The following PABPC4L variants were observed in gnomAD, a reference collection of about 807,000 sequenced individuals.
The protein encoded by PABPC4L is polyadenylate-binding protein 4-like.
For missense variants in PABPC4L, 452 were observed against 451.4 expected, an observed-to-expected ratio of 1.00 and a Z score of -0.01; for synonymous variants, 169 against 164.1, an observed-to-expected ratio of 1.03 and a Z score of -0.23.
the PABPC4L span, among the ~76,000 whole-genome samples, chr4:134,152,619 A>T: frequency 6.6e-6 from 1 of 152,132 alleles, no homozygotes; most frequent in East Asian, 1.9e-4. Context: ...CTTACAGCTT[A>T]TGCCCTCCAA....
chr4:133,982,603 C>A, the PABPC4L span, among the ~76,000 whole-genome samples: 1 of 151,888 alleles, frequency 6.6e-6, no homozygotes, highest in Non-Finnish European at 1.5e-5. Flanking sequence ...TAAGAAGTTT[C>A]AAATATTTAC....
chr4:134,079,158 G>A, the PABPC4L span, among the ~76,000 whole-genome samples: 10 of 151,002 alleles, frequency 6.6e-5, no homozygotes, highest in Non-Finnish European at 1.5e-4. Context: ...TTTTAGTAGA[G>A]ACGGTGTTTC....
the PABPC4L span, among the ~76,000 whole-genome samples, chr4:134,179,235 G>T: frequency 6.6e-6 from 1 of 151,866 alleles, no homozygotes; most frequent in East Asian, 1.9e-4. Flanking sequence ...TAAAACTGGG[G>T]GCCAATATTC....
the PABPC4L span, among the ~76,000 whole-genome samples, chr4:134,092,664 G>A: frequency 1.2e-3 from 187 of 152,088 alleles, no homozygotes; most frequent in African/African-American, 4.3e-3. Context: ...CTGTGGGCCA[G>A]TACAAGAATG....
the PABPC4L span, among the ~76,000 whole-genome samples, chr4:133,981,816 A>T: frequency 6.6e-6 from 1 of 152,008 alleles, no homozygotes; most frequent in African/African-American, 2.4e-5. Context: ...TATTAGTTTC[A>T]TTTTGCTGAA....
At chr4:134,078,747 T>A in the PABPC4L span, among the ~76,000 whole-genome samples, 1 of 151,262 alleles carries the variant, frequency 6.6e-6, no homozygotes, top group Non-Finnish European at 1.5e-5. Context: ...CACCTCCCCG[T>A]GTTCAAGCCT....
At chr4:133,994,822 A>G in the PABPC4L span, among the ~76,000 whole-genome samples, 1 of 152,244 alleles carries the variant, frequency 6.6e-6, no homozygotes, top group African/African-American at 2.4e-5. Context: ...TTTACATTTC[A>G]TCATAAATAA....
the PABPC4L span, among the ~76,000 whole-genome samples, chr4:134,001,336 C>A: frequency 9.7e-4 from 148 of 151,854 alleles, 1 homozygote; most frequent in African/African-American, 3.2e-3. Flanking sequence ...GCTAGGAAGT[C>A]ATATTATACA....
At chr4:133,953,005 A>G in the PABPC4L span, among the ~76,000 whole-genome samples, 1 of 152,102 alleles carries the variant, frequency 6.6e-6, no homozygotes, top group Non-Finnish European at 1.5e-5. Flanking sequence ...GTGTCTATCA[A>G]AAATTTTATT....
the PABPC4L span, among the ~76,000 whole-genome samples, chr4:134,115,351 G>T: frequency 3.3e-5 from 5 of 151,754 alleles, no homozygotes; most frequent in Non-Finnish European, 5.9e-5. Flanking sequence ...GTGATGACTT[G>T]CCTGAGTGTA....
chr4:134,046,262 T>C, the PABPC4L span, among the ~76,000 whole-genome samples: 2 of 152,050 alleles, frequency 1.3e-5, no homozygotes, highest in Non-Finnish European at 2.9e-5. Context: ...AGCAAAGGAA[T>C]CTGTGTCACA....
the PABPC4L span, among the ~76,000 whole-genome samples, chr4:134,112,614 C>CTATA: frequency 1.7e-4 from 24 of 143,602 alleles, no homozygotes; most frequent in Non-Finnish European, 2.9e-4. Context: ...ATCTATCTAT[C>CTATA]TATATATCTA....
the PABPC4L span, among the ~76,000 whole-genome samples, chr4:133,955,378 T>G: frequency 6.6e-6 from 1 of 152,180 alleles, no homozygotes; most frequent in Non-Finnish European, 1.5e-5. Context: ...AAAAGTATAC[T>G]GATCTTAAAA....
chr4:134,188,250 G>GATCAT, the PABPC4L span, among the ~76,000 whole-genome samples: 2 of 152,080 alleles, frequency 1.3e-5, no homozygotes, highest in African/African-American at 2.4e-5. Context: ...CCCATGAAGT[G>GATCAT]GGTAATATCC....
the PABPC4L span, among the ~76,000 whole-genome samples, chr4:134,036,869 A>C: frequency 6.6e-6 from 1 of 151,938 alleles, no homozygotes; most frequent in African/African-American, 2.4e-5. Context: ...CAGCCTGGCC[A>C]ACATGGTGAA....
the PABPC4L span, among the ~76,000 whole-genome samples, chr4:134,139,092 C>T: frequency 3.3e-5 from 5 of 151,942 alleles, no homozygotes; most frequent in Non-Finnish European, 4.4e-5. Flanking sequence ...AACACAAAGG[C>T]TCACAAATAC....
chr4:134,172,640 C>T, the PABPC4L span, among the ~76,000 whole-genome samples: 6 of 151,866 alleles, frequency 4.0e-5, no homozygotes, highest in African/African-American at 7.3e-5. Flanking sequence ...ACAATTGCAA[C>T]GACAACAAAA....
At chr4:134,055,627 G>A in the PABPC4L span, among the ~76,000 whole-genome samples, 66 of 133,102 alleles carry the variant, frequency 5.0e-4, no homozygotes, top group Admixed American at 2.0e-3. Context: ...AATGTTCCCC[G>A]TGGTTTTTTT....
chr4:134,160,328 T>C, the PABPC4L span, among the ~76,000 whole-genome samples: 1 of 152,104 alleles, frequency 6.6e-6, no homozygotes, highest in Non-Finnish European at 1.5e-5. Flanking sequence ...CTTTGCCTGG[T>C]ATCCCAGATA....
Sources: allele counts gnomAD v4.1 joint callset (sites outside exome capture counted in the v4.1 genomes callset), GRCh38; gene constraint gnomAD v4.1.1; transcripts MANE v1.5; gene names NCBI Gene and HGNC (gene_info 2026-07-23, HGNC 2026-07-21).